Variants in TOM1L2 observed in about 807,000 individuals in gnomAD.
TOM1L2 encodes target of myb1 like 2 membrane trafficking protein.
Under a neutral mutation model 67.9 loss-of-function variants are expected in TOM1L2, and 31 were observed. That is an observed-to-expected ratio of 0.46 (90% CI 0.34 to 0.62). The LOEUF (loss-of-function observed/expected upper bound fraction) is 0.62. TOM1L2 is among the 20% of genes least tolerant of loss of function. The pLI is 0.01. For synonymous variants in TOM1L2, 256 were observed against 254.0 expected, an observed-to-expected ratio of 1.01 and a Z score of -0.07; for missense variants, 606 against 663.5, an observed-to-expected ratio of 0.91 and a Z score of 0.95.
rs540933453 is a variant in TOM1L2, at chr17:17,919,301, T to C, written c.53-11770A>G. 2.6e-5 allele frequency among the ~76,000 whole-genome samples: 4 copies of C among 152,334 alleles called. No homozygotes were observed. The East Asian group carries it at 5.8e-4, about 22-fold the overall frequency. ...ACTTCTAACTTTATTACAGCTCTTC[T>C]GAAAGGAGCTCTGCCAGTGCCCTCC... is the stretch of plus-strand genomic sequence containing the variant. On this transcript the variant is annotated intron_variant, in intron 1 of 14. Coordinates refer to ENST00000379504, the MANE Select transcript of TOM1L2 (RefSeq NM_001082968.2).
At chr17:17,918,811 G>A (rs548575400) in intron 1 of TOM1L2, among the ~76,000 whole-genome samples, 6 of 152,290 alleles carry the variant, frequency 3.9e-5, no homozygotes, top group South Asian at 2.1e-4. Context: ...TTAATGAGCC[G>A]TTAAGTATCT....
intron 1 of TOM1L2, among the ~76,000 whole-genome samples, chr17:17,933,663 A>T (rs1250160465): frequency 6.6e-6 from 1 of 152,170 alleles, no homozygotes; most frequent in Non-Finnish European, 1.5e-5. Context: ...TGGCTTTAAA[A>T]TGTTTAGCCT....
At chr17:17,932,897 T>C (rs984737467) in intron 1 of TOM1L2, among the ~76,000 whole-genome samples, 2 of 152,168 alleles carry the variant, frequency 1.3e-5, no homozygotes, top group African/African-American at 4.8e-5. Flanking sequence ...CAGAAATCTG[T>C]GGGGATTTAA....
chr17:17,879,588 C>T, intron 7 of TOM1L2, 39 bp downstream of exon 7: 2 of 1,532,708 alleles, frequency 1.3e-6, no homozygotes, highest in South Asian at 1.1e-5. Flanking sequence ...GGTGGAAGAG[C>T]TGCCACCACA....
In TOM1L2 at chr17:17,847,193, A is replaced by G. The variant is rs1475892381; in HGVS notation, c.*442T>C. ...CCCTGCTCTTCCAGAGATGCCACAA[A>G]GCCCCTTCAGGGAGAGAGGGGCCCA... On this transcript the variant is annotated 3_prime_UTR_variant, in exon 15 of 15. Transcript: ENST00000379504. 2.1e-5 allele frequency: 4 copies of G among 192,848 alleles called. No homozygotes were observed. Among genetic ancestry groups the G allele is most frequent in the Non-Finnish European group, 4.3e-5 (4 of 92,352 alleles). 11.9% of individuals were successfully genotyped at this position (192,848 alleles called of 1,614,324 possible).
chr17:17,966,691 C>G (rs931858887), intron 1 of TOM1L2, among the ~76,000 whole-genome samples: 1 of 152,170 alleles, frequency 6.6e-6, no homozygotes, highest in African/African-American at 2.4e-5. Context: ...CTGCCATTGA[C>G]CTTGCACAAG....
chr17:17,873,190 A>G (rs148099819), intron 7 of TOM1L2, among the ~76,000 whole-genome samples: 2,048 of 152,290 alleles, frequency 0.013, 14 homozygotes, highest in Non-Finnish European at 0.023. Context: ...CCACTCCAGT[A>G]TTTTGTCATA....
In TOM1L2 at chr17:17,889,579, C is replaced by T. The variant is rs186271076; in HGVS notation, c.366+4082G>A. Among the ~76,000 whole-genome samples, 1,077 of 152,272 alleles carry T rather than the reference C, an allele frequency of 7.1e-3. 8 individuals are homozygous for T. The highest frequency in any genetic ancestry group is 0.014 in the South Asian group (68 of 4,828). On this transcript the variant is annotated intron_variant, in intron 4 of 14. Coordinates refer to ENST00000379504, the MANE Select transcript of TOM1L2 (RefSeq NM_001082968.2). ...TCAGAGCCATGGGTTCTACCTCTGC[C>T]AGGACCCCCAACCATGCCTCACAGG...
chr17:17,883,403 G>A (rs1012834342), intron 5 of TOM1L2, among the ~76,000 whole-genome samples: 1 of 152,190 alleles, frequency 6.6e-6, no homozygotes, highest in African/African-American at 2.4e-5. Context: ...CATAGCGCGT[G>A]GTCTGGAGGG....
Position 17,866,884 on chromosome 17 carries a change from T to C in TOM1L2, c.952A>G (p.Ser318Gly), listed in dbSNP as rs899598049. The C allele has an allele frequency of 6.2e-7, 1 of 1,614,060 alleles. No homozygotes were observed. The highest frequency in any genetic ancestry group is 8.5e-7 in the Non-Finnish European group (1 of 1,179,948). The change falls in exon 9 of 15, where the codon AGT becomes GGT. Residue 318 changes from serine to glycine, a missense_variant. This residue lies in a region of TOM1L2 where 543 missense variants were observed against 554.0 expected (regional missense o/e 0.98). Coordinates refer to ENST00000379504, the MANE Select transcript of TOM1L2 (RefSeq NM_001082968.2). ...YRSGRSVQNASNGVLNEVTED... is the reference protein window; with the variant it reads ...YRSGRSVQNAGNGVLNEVTED... The stretch of plus-strand genomic sequence containing the variant: ...TCTGAAGGAATACTTACTCCATTAC[T>C]GGCATTTTGAACGGATCGGCCAGAC...
intron 1 of TOM1L2, among the ~76,000 whole-genome samples, chr17:17,967,600 TTC>T (rs374836133): frequency 1.3e-5 from 2 of 152,148 alleles, no homozygotes; most frequent in African/African-American, 4.8e-5. Flanking sequence ...TGGCTAGGCT[TTC>T]TCTCTCTTTT....
At chr17:17,854,564 G>A (rs1461819087) in intron 12 of TOM1L2, among the ~76,000 whole-genome samples, 1 of 151,856 alleles carries the variant, frequency 6.6e-6, no homozygotes, top group Non-Finnish European at 1.5e-5. Flanking sequence ...TTGCTCTGTT[G>A]CCCAGGCTGG....
At chr17:17,956,697 T>TG (rs2041468205) in intron 1 of TOM1L2, among the ~76,000 whole-genome samples, 1 of 152,128 alleles carries the variant, frequency 6.6e-6, no homozygotes, top group Non-Finnish European at 1.5e-5. Flanking sequence ...CCGGCACTGC[T>TG]GGGGGAATGG....
intron 1 of TOM1L2, among the ~76,000 whole-genome samples, chr17:17,921,233 T>G (rs894139588): frequency 6.6e-6 from 1 of 152,038 alleles, no homozygotes; most frequent in Non-Finnish European, 1.5e-5. Flanking sequence ...CTGGCCTCAT[T>G]AGGACACCAC....
rs554251190 is a variant in TOM1L2, at chr17:17,924,030, C to T, written c.53-16499G>A. Among the ~76,000 whole-genome samples, 12 of 151,708 alleles carry T rather than the reference C, an allele frequency of 7.9e-5. No homozygotes were observed. The South Asian group carries it at 1.0e-3, about 13-fold the overall frequency. On this transcript the variant is annotated intron_variant, in intron 1 of 14. Coordinates refer to ENST00000379504, the MANE Select transcript of TOM1L2 (RefSeq NM_001082968.2). ...GTATGCACCTGTAATCCCAGCTACT[C>T]GGGAGGCTGAGGCAGGAGAATTACT...
At chr17:17,874,790 C>T (rs549181932) in intron 7 of TOM1L2, among the ~76,000 whole-genome samples, 1 of 152,290 alleles carries the variant, frequency 6.6e-6, no homozygotes, top group Admixed American at 6.5e-5. Context: ...ACCCCACAGG[C>T]AGGGCCTCTA....
intron 1 of TOM1L2, among the ~76,000 whole-genome samples, chr17:17,930,524 C>T (rs1472628859): frequency 6.6e-6 from 1 of 152,152 alleles, no homozygotes; most frequent in Non-Finnish European, 1.5e-5. Flanking sequence ...AGATAAAATA[C>T]CCTTCCCCAG....
At chr17:17,890,431 A>AAT (rs1397889547) in intron 4 of TOM1L2, among the ~76,000 whole-genome samples, 1 of 152,172 alleles carries the variant, frequency 6.6e-6, no homozygotes, top group Non-Finnish European at 1.5e-5. Context: ...ATTAAAAAGG[A>AAT]ATATATATAT....
At chr17:17,851,067 A>T in intron 12 of TOM1L2, 115 bp from the exon 13 acceptor site, 1 of 1,164,708 alleles carries the variant, frequency 8.6e-7, no homozygotes, top group Non-Finnish European at 1.3e-6. Flanking sequence ...CAAAATGTAC[A>T]CAGAGCAAAA....
Sources: gnomAD v4.1 joint callset for allele counts (sites outside exome capture counted in the v4.1 genomes callset) on GRCh38, gnomAD v4.1.1 for gene constraint, gnomAD v4.1.1 regional missense constraint, MANE v1.5 for transcripts, NCBI Gene and HGNC (gene_info 2026-07-23, HGNC 2026-07-21) for gene names.